F5: variants seen among roughly 807,000 people sequenced by gnomAD.
F5 encodes the protein coagulation factor V.
A neutral mutation model predicts 216.4 loss-of-function variants in F5; 138 were observed. The observed-to-expected ratio is 0.64, with a 90% CI of 0.56 to 0.73. F5 has a LOEUF of 0.73. Among genes scored for constraint, F5 ranks in the 30% least tolerant of loss-of-function variants. The probability of loss-of-function intolerance (pLI) is 0.00; values close to 1 mark genes in which losing one functional copy is unlikely to be tolerated. For synonymous variants in F5, 916 were observed against 930.7 expected, an observed-to-expected ratio of 0.98 and a Z score of 0.29; for missense variants, 2,403 against 2,674.0, an observed-to-expected ratio of 0.90 and a Z score of 2.24.
chr1:169,522,924 C>T (rs1362525032), intron 21 of F5, among the ~76,000 whole-genome samples: 1 of 152,178 alleles, frequency 6.6e-6, no homozygotes, highest in African/African-American at 2.4e-5. Flanking sequence ...TACCATTGGC[C>T]AGTCTGAGAA....
At chr1:169,569,383 T>G (rs1450910057) in intron 3 of F5, among the ~76,000 whole-genome samples, 2 of 152,104 alleles carry the variant, frequency 1.3e-5, no homozygotes, top group African/African-American at 2.4e-5. Flanking sequence ...CACATTCATA[T>G]GCAACTCATA....
chr1:169,539,335 C>T (rs1206600021), intron 13 of F5, among the ~76,000 whole-genome samples: 3 of 152,094 alleles, frequency 2.0e-5, no homozygotes, highest in East Asian at 1.9e-4. Context: ...AAAGCAACTC[C>T]GAATGCCATA....
At chr1:169,568,435 A>AT (rs573498463) in intron 3 of F5, among the ~76,000 whole-genome samples, 191 of 152,168 alleles carry the variant, frequency 1.3e-3, no homozygotes, top group African/African-American at 4.5e-3. Flanking sequence ...TGTATCTTTG[A>AT]TTTTACAACA....
At chr1:169,560,168 A>G (rs1660436955) in intron 4 of F5, among the ~76,000 whole-genome samples, 1 of 152,184 alleles carries the variant, frequency 6.6e-6, no homozygotes, top group Non-Finnish European at 1.5e-5. Context: ...CAAACCTCAG[A>G]TATGTCAAAC....
intron 2 of F5, among the ~76,000 whole-genome samples, chr1:169,577,143 T>A (rs985620431): frequency 1.3e-5 from 2 of 152,064 alleles, no homozygotes; most frequent in South Asian, 2.1e-4. Flanking sequence ...AGGAGTGGCC[T>A]ACTTCAGGGC....
intron 23 of F5, 97 bp from the exon 24 acceptor site, chr1:169,515,723 AT>A: frequency 8.0e-7 from 1 of 1,243,836 alleles, no homozygotes; most frequent in Non-Finnish European, 1.1e-6. Context: ...GCTCAAAAGG[AT>A]TTTGTTCTAT....
chr1:169,552,429 A>C (rs1660193902), intron 8 of F5, 128 bp downstream of exon 8: 1 of 778,480 alleles, frequency 1.3e-6, no homozygotes. Flanking sequence ...ACTAAATAAA[A>C]ACTAAAAGTT....
intron 2 of F5, among the ~76,000 whole-genome samples, chr1:169,577,688 C>T (rs1026595625): frequency 6.7e-6 from 1 of 149,478 alleles, no homozygotes; most frequent in Non-Finnish European, 1.5e-5. Context: ...AATCCTCCCA[C>T]CTTGGCCTCC....
intron 3 of F5, among the ~76,000 whole-genome samples, chr1:169,564,441 T>C (rs1380200907): frequency 1.3e-5 from 2 of 152,064 alleles, no homozygotes; most frequent in Non-Finnish European, 2.9e-5. Context: ...CTGCTTGTGC[T>C]GTTCCCTGGA....
At chr1:169,550,076 A>G in intron 9 of F5, 61 bp from the exon 10 acceptor site, 1 of 1,331,548 alleles carries the variant, frequency 7.5e-7, no homozygotes, top group Non-Finnish European at 1.1e-6. Context: ...ATAATAAATA[A>G]ATAAATAAGC....
chr1:169,582,498 A>T lies in F5; in HGVS notation c.183T>A (p.Phe61Leu). The change falls in exon 2 of 25, where the codon TTT becomes TTA. Residue 61 changes from phenylalanine to leucine, a missense_variant. Physicochemically the swap from Phe to Leu is conservative, Grantham distance 22 (BLOSUM62 0). Coordinates refer to ENST00000367797, the MANE Select transcript of F5 (RefSeq NM_000130.5). ...CATACTCTCTGTAGACAATTTTCTT[A>T]AAGGAAGTTACAGAAAGATTCAAAC... ...NSSLNLSVTS[F>L]KKIVYREYEP... 1 of 1,551,912 alleles carries T rather than the reference A, an allele frequency of 6.4e-7. No individual in the cohort carries two copies. The highest frequency in any genetic ancestry group is 8.9e-7 in the Non-Finnish European group (1 of 1,127,666).
intron 2 of F5, among the ~76,000 whole-genome samples, chr1:169,579,712 C>T (rs912117646): frequency 2.0e-5 from 3 of 152,190 alleles, no homozygotes; most frequent in Non-Finnish European, 4.4e-5. Flanking sequence ...TAATGAGTCA[C>T]CAAGTTTAAT....
chr1:169,561,956 T>C (rs898767186), intron 3 of F5, among the ~76,000 whole-genome samples: 1 of 151,996 alleles, frequency 6.6e-6, no homozygotes, highest in African/African-American at 2.4e-5. Context: ...TTCTTTTCTT[T>C]TCTCCTTTCT....
Position 169,514,273 on chromosome 1 carries a change from T to A in F5, c.*40A>T, listed in dbSNP as rs1463675034. Reference sequence around the variant, plus strand: ...ATTGCCCATTCTAAATGGTTTGAGGTCTTAAAGAGTCTCTTCCAGGGGTTT... The same window carrying A: ...ATTGCCCATTCTAAATGGTTTGAGGACTTAAAGAGTCTCTTCCAGGGGTTT... On this transcript the variant is annotated 3_prime_UTR_variant, in exon 25 of 25. Transcript: ENST00000367797. 3 of 1,602,874 alleles carry A rather than the reference T, an allele frequency of 1.9e-6. No individual in the cohort carries two copies. In the African/African-American group the frequency reaches 4.0e-5, roughly 21 times the overall value.
At chr1:169,581,520 T>G (rs1447101257) in intron 2 of F5, among the ~76,000 whole-genome samples, 2 of 152,080 alleles carry the variant, frequency 1.3e-5, no homozygotes, top group Non-Finnish European at 2.9e-5. Flanking sequence ...TCGTTGATTT[T>G]TAACTGAAAG....
In F5 at chr1:169,538,296, A is replaced by C. The variant is rs1250655002; in HGVS notation, c.4797-1616T>G. On this transcript the variant is annotated intron_variant, in intron 13 of 24. Coordinates refer to ENST00000367797, the MANE Select transcript of F5 (RefSeq NM_000130.5). ...AAACTAAAAACATTGAGCTCATAGAAGCAGAAGGTAGAACAGTGGTTAACA... is the reference window on the plus strand; with the variant it reads ...AAACTAAAAACATTGAGCTCATAGACGCAGAAGGTAGAACAGTGGTTAACA... 2.6e-5 allele frequency among the ~76,000 whole-genome samples: 4 copies of C among 152,204 alleles called. No homozygotes were observed. In the East Asian group the frequency reaches 7.7e-4, roughly 29 times the overall value.
chr1:169,557,363 G>C (rs1894697), intron 5 of F5, among the ~76,000 whole-genome samples: 90,801 of 152,024 alleles, frequency 0.6, 28,560 homozygotes, highest in East Asian at 0.87. Context: ...CTCTCTAGCT[G>C]TAGTGGTCGA....
At chr1:169,559,374 T>C in intron 4 of F5, 78 bp from the exon 5 acceptor site, 1 of 1,419,558 alleles carries the variant, frequency 7.0e-7, no homozygotes, top group South Asian at 1.1e-5. Flanking sequence ...GCAAAGAGTT[T>C]AGGGCAAGCA....
chr1:169,524,964 A>T (rs1197585475), intron 18 of F5, 56 bp from the exon 19 acceptor site: 2 of 1,322,490 alleles, frequency 1.5e-6, no homozygotes, highest in Admixed American at 3.4e-5. Context: ...TATACAATAA[A>T]GTAAAACTCC....
Sources: allele counts gnomAD v4.1 joint callset (sites outside exome capture counted in the v4.1 genomes callset), GRCh38; gene constraint gnomAD v4.1.1; transcripts MANE v1.5; gene names NCBI Gene and HGNC (gene_info 2026-07-23, HGNC 2026-07-21).